The following FARS2 variants were observed in gnomAD, a reference collection of about 807,000 sequenced individuals.
FARS2 encodes phenylalanine--tRNA ligase, mitochondrial.
In FARS2, 40 loss-of-function variants were observed where a neutral mutation model predicts 46.4. That is an observed-to-expected ratio of 0.86 (90% CI 0.67 to 1.12). The LOEUF is 1.12. FARS2 is among the 50% of genes most tolerant of loss of function. FARS2 has a pLI of 0.00. For missense variants in FARS2, 513 were observed against 567.9 expected, an observed-to-expected ratio of 0.90 and a Z score of 0.98; for synonymous variants, 234 against 214.9, an observed-to-expected ratio of 1.09 and a Z score of -0.78.
At chr6:5,328,448 A>G (rs1231797742) in intron 1 of FARS2, among the ~76,000 whole-genome samples, 2 of 152,162 alleles carry the variant, frequency 1.3e-5, no homozygotes, top group African/African-American at 4.8e-5. Flanking sequence ...CCTCATTAGC[A>G]GTGTCATGTC....
At position 5,337,918 on chromosome 6, in the gene FARS2, G is replaced by C. The variant is rs568307065; in HGVS notation, c.-21-30632G>C. ...ACTGTGAAGAAAGGCTTCTGGGAAA[G>C]CATCAAGTTTAGGTGGTAATGCCAT... On this transcript the variant is annotated intron_variant, in intron 1 of 6. Transcript: ENST00000274680. Among the ~76,000 whole-genome samples, 3 of 152,298 alleles carry C rather than the reference G, an allele frequency of 2.0e-5. No homozygotes were observed. The South Asian group carries it at 6.2e-4, about 32-fold the overall frequency.
chr6:5,645,318 C>T (rs1235343081), intron 6 of FARS2, among the ~76,000 whole-genome samples: 4 of 152,290 alleles, frequency 2.6e-5, no homozygotes, highest in Non-Finnish European at 4.4e-5. Context: ...TGGGCCAGTG[C>T]GTCTGTTGTT....
chr6:5,748,044 C>T (rs557862268), intron 6 of FARS2, among the ~76,000 whole-genome samples: 1 of 152,248 alleles, frequency 6.6e-6, no homozygotes, highest in South Asian at 2.1e-4. Flanking sequence ...TGCTCAAAAT[C>T]TGCCTCCAAA....
intron 4 of FARS2, among the ~76,000 whole-genome samples, chr6:5,436,818 C>T (rs150543677): frequency 1.3e-5 from 2 of 152,286 alleles, no homozygotes; most frequent in East Asian, 3.9e-4. Context: ...AACAAATACC[C>T]TAGATAATTC....
chr6:5,574,708 T>A (rs1283343721), intron 5 of FARS2, among the ~76,000 whole-genome samples: 2 of 152,204 alleles, frequency 1.3e-5, no homozygotes, highest in African/African-American at 4.8e-5. Flanking sequence ...TTGGAGCTTC[T>A]GATCACCTTT....
chr6:5,516,058 G>A lies in FARS2; in HGVS notation c.905-29122G>A, dbSNP rs1033128765. Among the ~76,000 whole-genome samples the A allele has an allele frequency of 2.0e-5, 3 of 152,240 alleles. No homozygotes were observed. The South Asian group carries it at 6.2e-4, about 32-fold the overall frequency. The stretch of plus-strand genomic sequence containing the variant: ...GAGGTTATGTCTTGTTCTTGCAAAT[G>A]CTCCGAGTCTGCAGTGGTTGACCCC... On this transcript the variant is annotated intron_variant, in intron 4 of 6. Transcript: ENST00000274680.
At chr6:5,615,026 T>G (rs1775398413) in intron 6 of FARS2, among the ~76,000 whole-genome samples, 1 of 152,240 alleles carries the variant, frequency 6.6e-6, no homozygotes, top group African/African-American at 2.4e-5. Flanking sequence ...TTTTGCTTTT[T>G]GTTTTAAAGG....
upstream of FARS2, among the ~76,000 whole-genome samples, chr6:5,260,374 T>C (rs1764964105): frequency 6.6e-6 from 1 of 152,232 alleles, no homozygotes; most frequent in African/African-American, 2.4e-5. Context: ...ACACTAATCA[T>C]GCTCCTAGAA....
At chr6:5,450,534 T>C (rs1764427123) in intron 4 of FARS2, among the ~76,000 whole-genome samples, 1 of 152,040 alleles carries the variant, frequency 6.6e-6, no homozygotes, top group African/African-American at 2.4e-5. Flanking sequence ...AATAACTCCT[T>C]ATTTACGGAT....
intron 1 of FARS2, among the ~76,000 whole-genome samples, chr6:5,303,484 T>G (rs980807101): frequency 1.3e-5 from 2 of 152,030 alleles, no homozygotes; most frequent in East Asian, 3.9e-4. Flanking sequence ...GCGCACACCT[T>G]TACCTCCTGT....
intron 4 of FARS2, among the ~76,000 whole-genome samples, chr6:5,464,449 T>C (rs1408342146): frequency 6.6e-6 from 1 of 152,188 alleles, no homozygotes; most frequent in South Asian, 2.1e-4. Flanking sequence ...TCTTCCTCAC[T>C]ATTGGGGATA....
At chr6:5,647,514 A>T (rs1258846190) in intron 6 of FARS2, among the ~76,000 whole-genome samples, 1 of 152,238 alleles carries the variant, frequency 6.6e-6, no homozygotes, top group Non-Finnish European at 1.5e-5. Flanking sequence ...CTAAATATTG[A>T]TTAGAGTTAT....
intron 6 of FARS2, among the ~76,000 whole-genome samples, chr6:5,763,457 CAAATAAAT>C (rs779891530): frequency 6.6e-6 from 1 of 152,050 alleles, no homozygotes; most frequent in South Asian, 2.1e-4. Flanking sequence ...GACCATGTCT[CAAATAAAT>C]AAATAAATAA....
At chr6:5,255,259 T>C in the FARS2 span, among the ~76,000 whole-genome samples, 3 of 152,196 alleles carry the variant, frequency 2.0e-5, no homozygotes, top group Non-Finnish European at 4.4e-5. Flanking sequence ...ACATCTGCAT[T>C]CTCTCATGAG....
chr6:5,389,153 T>TAA (rs35967844), intron 2 of FARS2, among the ~76,000 whole-genome samples: 1 of 152,026 alleles, frequency 6.6e-6, no homozygotes, highest in Admixed American at 6.5e-5. Context: ...ATGAAACAGT[T>TAA]AAAAAATATC....
intron 1 of FARS2, among the ~76,000 whole-genome samples, chr6:5,361,747 G>A (rs141398237): frequency 1.3e-5 from 2 of 152,288 alleles, no homozygotes; most frequent in East Asian, 3.9e-4. Flanking sequence ...TGGTGGTTAT[G>A]GATTGTGCTT....
rs879798121 is a variant in FARS2, at chr6:5,727,129, G to A, written c.1218-44162G>A. On this transcript the variant is annotated intron_variant, in intron 6 of 6. Coordinates refer to ENST00000274680, the MANE Select transcript of FARS2 (RefSeq NM_006567.5). This position sits in a 1 kb window ranked among gnomAD's most constrained non-coding sequence, Gnocchi z 4.1. ...CCGGGCTGTTACTGGTAGGAAAAGC[G>A]TGACTGCAGTGCATGGCACCCAGGA... 1.3e-5 allele frequency among the ~76,000 whole-genome samples: 2 copies of A among 152,216 alleles called. No individual in the cohort carries two copies. Among genetic ancestry groups the A allele is most frequent in the Non-Finnish European group, 2.9e-5 (2 of 68,042 alleles).
chr6:5,351,942 A>G (rs958291958), intron 1 of FARS2, among the ~76,000 whole-genome samples: 1 of 152,150 alleles, frequency 6.6e-6, no homozygotes, highest in African/African-American at 2.4e-5. Context: ...CTATCTCTAT[A>G]AAAAGATGCC....
intron 5 of FARS2, among the ~76,000 whole-genome samples, chr6:5,584,082 G>A (rs1368986422): frequency 2.9e-5 from 3 of 104,570 alleles, no homozygotes; most frequent in East Asian, 3.9e-4. Flanking sequence ...AGCTCCCCCC[G>A]ACATTCTCTC....
Sources: gnomAD v4.1 joint callset for allele counts (sites outside exome capture counted in the v4.1 genomes callset) on GRCh38, gnomAD v4.1.1 for gene constraint, Gnocchi (gnomAD v3.1) non-coding constraint, MANE v1.5 for transcripts, NCBI Gene and HGNC (gene_info 2026-07-23, HGNC 2026-07-21) for gene names.